The following IL1RAPL2 variants were observed in gnomAD, a reference collection of about 807,000 sequenced individuals.
The protein encoded by IL1RAPL2 is interleukin 1 receptor accessory protein like 2, also known as X-linked interleukin-1 receptor accessory protein-like 2.
Under a neutral mutation model 44.1 loss-of-function variants are expected in IL1RAPL2, and 3 were observed. That is an observed-to-expected ratio of 0.07 (90% CI 0.03 to 0.18). The LOEUF is 0.18. Among genes scored for constraint, IL1RAPL2 ranks in the 10% least tolerant of loss-of-function variants. The pLI is 1.00. For synonymous variants in IL1RAPL2, 181 were observed against 178.8 expected (o/e 1.01, Z -0.10); for missense variants, 391 against 496.4 (o/e 0.79, Z 2.02).
At chrX:105,317,487 G>A (rs1361913364) in intron 5 of IL1RAPL2, among the ~76,000 whole-genome samples, 2 of 111,877 alleles carry the variant, frequency 1.8e-5, no homozygotes, top group Non-Finnish European at 3.8e-5. Context: ...GCATTTTCGA[G>A]GAATTATAAG....
intron 2 of IL1RAPL2, among the ~76,000 whole-genome samples, chrX:105,042,773 A>T (rs1367239095): frequency 1.9e-5 from 2 of 107,788 alleles, no homozygotes; most frequent in Non-Finnish European, 3.8e-5. Flanking sequence ...AAAGACACAC[A>T]CACACGTATG....
intron 4 of IL1RAPL2, 109 bp from the exon 5 acceptor site, chrX:105,267,279 T>C: frequency 1.4e-6 from 1 of 696,066 alleles, no homozygotes; most frequent in South Asian, 2.8e-5. Context: ...TTACATATTT[T>C]GAAAACGAAA....
chrX:104,744,298 T>C (rs980214333), intron 2 of IL1RAPL2, among the ~76,000 whole-genome samples: 2 of 111,552 alleles, frequency 1.8e-5, no homozygotes, highest in Non-Finnish European at 3.8e-5. Flanking sequence ...TATGAAAATA[T>C]TTTCTTTAGA....
chrX:104,707,312 T>C (rs1931378923), intron 2 of IL1RAPL2, among the ~76,000 whole-genome samples: 1 of 111,781 alleles, frequency 8.9e-6, no homozygotes, highest in South Asian at 3.7e-4. Flanking sequence ...TTCACACTTA[T>C]GATCAACTAA....
At chrX:105,576,711 C>T (rs768174593) in intron 6 of IL1RAPL2, among the ~76,000 whole-genome samples, 44 of 111,811 alleles carry the variant, frequency 3.9e-4, no homozygotes, top group African/African-American at 1.3e-3. Context: ...GGAAAAACTG[C>T]AGGAATGCTG....
intron 2 of IL1RAPL2, among the ~76,000 whole-genome samples, chrX:105,078,381 C>T (rs915352642): frequency 9.0e-6 from 1 of 111,099 alleles, no homozygotes; most frequent in African/African-American, 3.3e-5. Flanking sequence ...GCTGCCTGAT[C>T]GTTCTTCTGG....
In IL1RAPL2 at chrX:105,453,156, C is replaced by T. The variant is rs2036030851; in HGVS notation, c.698-31157C>T. Among the ~76,000 whole-genome samples, 5 of 111,860 alleles carry T rather than the reference C, an allele frequency of 4.5e-5. No individual in the cohort carries two copies. In the South Asian group the frequency reaches 1.8e-3, roughly 41 times the overall value. The stretch of plus-strand genomic sequence containing the variant: ...GTTTAGAATCTCTCCACCCCACTCC[C>T]CGTATCTATTTTTGGTGAACGTCCA... On this transcript the variant is annotated intron_variant, in intron 5 of 10. Transcript: ENST00000372582.
chrX:105,551,962 T>C (rs1032201906), intron 6 of IL1RAPL2, among the ~76,000 whole-genome samples: 5 of 110,388 alleles, frequency 4.5e-5, no homozygotes, highest in Admixed American at 9.6e-5. Context: ...AAAAATTAGC[T>C]GGGCGTGGTG....
chrX:104,652,888 C>T (rs930371676), intron 1 of IL1RAPL2, among the ~76,000 whole-genome samples: 6 of 111,223 alleles, frequency 5.4e-5, no homozygotes, highest in African/African-American at 9.8e-5. Flanking sequence ...ATGGCTCTAG[C>T]GGCTAGGAGT....
intron 6 of IL1RAPL2, among the ~76,000 whole-genome samples, chrX:105,493,037 C>T (rs1413433046): frequency 1.8e-5 from 2 of 111,754 alleles, no homozygotes; most frequent in African/African-American, 6.5e-5. Context: ...AACATGTGGT[C>T]TTTTGTGATA....
chrX:105,113,353 A>G (rs1366040696), intron 2 of IL1RAPL2, among the ~76,000 whole-genome samples: 2 of 112,317 alleles, frequency 1.8e-5, no homozygotes, highest in Non-Finnish European at 3.8e-5. Flanking sequence ...CACTTCCTGT[A>G]CTGTATATAA....
intron 3 of IL1RAPL2, among the ~76,000 whole-genome samples, chrX:105,226,484 G>A (rs969913384): frequency 1.1e-5 from 1 of 88,471 alleles, no homozygotes; most frequent in African/African-American, 4.4e-5. Context: ...TGCAACCTCC[G>A]CCTCCTGGGT....
chrX:104,718,461 T>TGATGG (rs1264861709), intron 2 of IL1RAPL2, among the ~76,000 whole-genome samples: 1 of 110,963 alleles, frequency 9.0e-6, no homozygotes, highest in Non-Finnish European at 1.9e-5. Context: ...TGGTGGGAAG[T>TGATGG]GATGGGATCA....
intron 3 of IL1RAPL2, chrX:105,219,513 G>T (rs377179572): frequency 2.2e-4 from 267 of 1,206,947 alleles, no homozygotes; most frequent in Non-Finnish European, 2.8e-4. Flanking sequence ...TGGCCTCCAC[G>T]TGGGGGAACT....
intron 6 of IL1RAPL2, among the ~76,000 whole-genome samples, chrX:105,505,232 C>G: frequency 8.9e-6 from 1 of 111,789 alleles, no homozygotes; most frequent in East Asian, 2.8e-4. Context: ...TTAACAAACA[C>G]TTATCAAGTG....
chrX:104,950,513 G>A (rs534576834), intron 2 of IL1RAPL2, among the ~76,000 whole-genome samples: 1 of 112,248 alleles, frequency 8.9e-6, no homozygotes, highest in Non-Finnish European at 1.9e-5. Context: ...TTCGAGCTTC[G>A]GGGCTGCTTT....
chrX:104,586,150 G>T lies in IL1RAPL2; in HGVS notation c.-20+19099G>T, dbSNP rs370273030. On this transcript the variant is annotated intron_variant, in intron 1 of 10. Transcript: ENST00000372582. ...TTAATAGCCATTCTGACTAGCGTGA[G>T]ATGGTATCTCATTGTGGGTTCTGAT... Among the ~76,000 whole-genome samples, 26 of 111,811 alleles carry T rather than the reference G, an allele frequency of 2.3e-4. 1 individual carries two copies. In the East Asian group the frequency reaches 3.7e-3, roughly 16 times the overall value.
In IL1RAPL2 at chrX:105,448,269, T is replaced by C. The variant is rs187212937; in HGVS notation, c.698-36044T>C. Among the ~76,000 whole-genome samples, 223 of 110,550 alleles carry C rather than the reference T, an allele frequency of 2.0e-3. 3 individuals are homozygous for C. In the Admixed American group the frequency reaches 0.02, roughly 10 times the overall value. On this transcript the variant is annotated intron_variant, in intron 5 of 10. Coordinates refer to ENST00000372582, the MANE Select transcript of IL1RAPL2 (RefSeq NM_017416.2). ...CTATAACCTTCTTGTACTTGAATGC[T>C]GATATTTTCCTCTAGGTTTTGGAGG...
chrX:105,058,247 A>T (rs1397181012), intron 2 of IL1RAPL2, among the ~76,000 whole-genome samples: 1 of 110,751 alleles, frequency 9.0e-6, no homozygotes, highest in Admixed American at 9.6e-5. Context: ...CACCGCGTCC[A>T]GCCTAATTTT....
Sources: gnomAD v4.1 joint callset for allele counts (sites outside exome capture counted in the v4.1 genomes callset) on GRCh38, gnomAD v4.1.1 for gene constraint, MANE v1.5 for transcripts, NCBI Gene and HGNC (gene_info 2026-07-23, HGNC 2026-07-21) for gene names.